Variants in LHX9 observed in about 807,000 individuals in gnomAD.
The protein encoded by LHX9 is LIM homeobox 9.
Under a neutral mutation model 36.5 loss-of-function variants are expected in LHX9, and 9 were observed. The ratio of observed to expected loss-of-function variants is 0.25; its 90% CI spans 0.15 to 0.43. The LOEUF (loss-of-function observed/expected upper bound fraction) is 0.43. Ranked by LOEUF, LHX9 falls within the 20% of genes least tolerant of loss-of-function variation. The pLI, the probability that LHX9 is intolerant of heterozygous loss-of-function variation, is 1.00. For synonymous variants in LHX9, 211 were observed against 212.1 expected, an observed-to-expected ratio of 0.99 and a Z score of 0.04; for missense variants, 464 against 526.4, an observed-to-expected ratio of 0.88 and a Z score of 1.16.
chr1:197,928,252 G>A (rs951315950), intron 4 of LHX9, among the ~76,000 whole-genome samples: 3 of 152,182 alleles, frequency 2.0e-5, no homozygotes, highest in Non-Finnish European at 4.4e-5. Context: ...CAAAAGTATG[G>A]TTAGTGTTTC....
chr1:197,917,959 C>G lies in LHX9; in HGVS notation c.136C>G (p.Arg46Gly), dbSNP rs1170244333. Residue 46 changes from arginine to glycine, a missense_variant, in exon 1 of 5, where the codon CGT becomes GGT. This residue lies in a region of LHX9 where 119 missense variants were observed against 102.4 expected (regional missense o/e 1.16). Coordinates refer to ENST00000367387, the MANE Select transcript of LHX9 (RefSeq NM_020204.3). ...EMERRSKTEA[R>G]LAKGAQLNGR... is the part of the protein sequence containing the mutation. ...GGAGCGCAGATCCAAGACTGAGGCC[C>G]GTCTGGCCAAAGGCGCCCAGCTCAA... 1 of 1,614,102 alleles carries G rather than the reference C, an allele frequency of 6.2e-7. No individual in the cohort carries two copies. Among genetic ancestry groups the G allele is most frequent in the South Asian group, 1.1e-5 (1 of 91,068 alleles).
rs2102607209 is a variant in LHX9 at position 197,934,251 on chromosome 1, A to T, written c.*4992A>T. ...TTATAATAACCCTTTTTTGGGAGTC[A>T]AAGTATTGTTTTTTTATTAGCCACA... On this transcript the variant is annotated 3_prime_UTR_variant, in exon 5 of 5. Transcript: ENST00000367387. 7.7e-6 allele frequency: 1 copy of T among 130,544 alleles called. No individual in the cohort carries two copies. The highest frequency in any genetic ancestry group is 2.4e-5 in the African/African-American group (1 of 40,988). 8.1% of individuals were successfully genotyped at this position (130,544 alleles called of 1,614,324 possible). A position where few individuals can be genotyped will look rare whatever the true frequency, so the allele number is the denominator to read the frequency against.
chr1:197,917,996 C>T lies in LHX9; in HGVS notation c.173C>T (p.Ala58Val). 2 of 1,612,558 alleles carry T rather than the reference C, an allele frequency of 1.2e-6. No homozygotes were observed. The highest frequency in any genetic ancestry group is 2.2e-5 in the East Asian group (1 of 44,860). ...GGCGCCCAGCTCAACGGCCGCGACG[C>T]GGTAAGGAAGGGCTCCGCCGCGGCG... Reference protein sequence around the residue: ...AKGAQLNGRDAGMPPLSPEKP... With the variant: ...AKGAQLNGRDVGMPPLSPEKP... The change falls in exon 1 of 5, where the codon GCG (alanine) becomes GTG (valine). Residue 58 changes from alanine (A) to valine (V), a missense_variant and splice_region_variant. By Grantham distance (64) the Ala-to-Val change is moderately conservative. This residue lies in a region of LHX9 where 119 missense variants were observed against 102.4 expected (regional missense o/e 1.16). Coordinates refer to ENST00000367387, the MANE Select transcript of LHX9 (RefSeq NM_020204.3).
chr1:197,912,884 C>T (rs1659656865), upstream of LHX9: 1 of 392,524 alleles, frequency 2.5e-6, no homozygotes, highest in African/African-American at 2.1e-5. Context: ...GCGCTCCTGA[C>T]CCTCCGGGGA....
chr1:197,932,349 A>G lies in LHX9; in HGVS notation c.*3090A>G, dbSNP rs1230674812. On this transcript the variant is annotated 3_prime_UTR_variant, in exon 5 of 5. Coordinates refer to ENST00000367387, the MANE Select transcript of LHX9 (RefSeq NM_020204.3). ...TTTCACCTGCTTGCTAATGTGTATTAGTCCTGTTAATGGCATTTTCCAACT... is the reference window on the plus strand; with the variant it reads ...TTTCACCTGCTTGCTAATGTGTATTGGTCCTGTTAATGGCATTTTCCAACT... 1.2e-5 allele frequency: 2 copies of G among 168,126 alleles called. No homozygotes were observed. The highest frequency in any genetic ancestry group is 2.6e-5 in the Non-Finnish European group (2 of 78,376). 10.4% of individuals were successfully genotyped at this position (168,126 alleles called of 1,614,324 possible).
chr1:197,921,614 C>A lies in LHX9; in HGVS notation c.688C>A (p.Arg230=), dbSNP rs750699252. Residue 230 remains arginine (R), a synonymous_variant, in exon 3 of 5, where the codon CGG becomes AGG. Transcript: ENST00000367387. The surrounding 1 kb of genome is among the most constrained non-coding windows in gnomAD (Gnocchi z 4.6). The part of the protein sequence containing the change: ...GTVQKGRPRK[R]KSPALGVDIV... The stretch of plus-strand genomic sequence containing the variant: ...CGTGCAGAAAGGGCGGCCCCGGAAG[C>A]GGAAGAGCCCAGCGCTGGGAGTGGA... 1.2e-6 allele frequency: 2 copies of A among 1,603,556 alleles called. No individual in the cohort carries two copies. The highest frequency in any genetic ancestry group is 2.7e-5 in the African/African-American group (2 of 74,876).
At chr1:197,913,064 C>G (rs1266536778), upstream of LHX9, 1 of 157,742 alleles carries the variant, frequency 6.3e-6, no homozygotes, top group Non-Finnish European at 1.4e-5. Context: ...GGACGCAGTG[C>G]GGGACTTCTC....
At chr1:197,923,089 G>A (rs1660038013) in intron 3 of LHX9, among the ~76,000 whole-genome samples, 2 of 152,250 alleles carry the variant, frequency 1.3e-5, no homozygotes, top group Non-Finnish European at 2.9e-5. Context: ...TAACTGAAGA[G>A]GAGAATCCTT....
At chr1:197,923,034 C>A (rs557058156) in intron 3 of LHX9, among the ~76,000 whole-genome samples, 1 of 152,350 alleles carries the variant, frequency 6.6e-6, no homozygotes, top group Admixed American at 6.5e-5. Context: ...GCCGCTCTCT[C>A]AGACCTCCGT....
rs755384384 is a variant in LHX9 at position 197,921,477 on chromosome 1, G to A, written c.551G>A (p.Arg184His). 1.9e-6 allele frequency: 3 copies of A among 1,614,166 alleles called. No individual in the cohort carries two copies. Among genetic ancestry groups the A allele is most frequent in the Non-Finnish European group, 2.5e-6 (3 of 1,180,042 alleles). ...FGMKDSLVYCRAHFETLLQGE... is the reference protein window; with the variant it reads ...FGMKDSLVYCHAHFETLLQGE... ...ATGAAGGACAGCCTGGTGTACTGCCGCGCCCACTTCGAGACCCTCTTGCAA... is the reference window on the plus strand; with the variant it reads ...ATGAAGGACAGCCTGGTGTACTGCCACGCCCACTTCGAGACCCTCTTGCAA... The change falls in exon 3 of 5, where the codon CGC becomes CAC. Residue 184 changes from arginine to histidine, a missense_variant. Arg to His is a conservative substitution (Grantham distance 29). Transcript: ENST00000367387. This position sits in a 1 kb window ranked among gnomAD's most constrained non-coding sequence, Gnocchi z 4.6.
In LHX9 at chr1:197,932,118, A is replaced by C. The variant is rs1467124806; in HGVS notation, c.*2859A>C. ...AGAGAGACTTAAATGTCATTTACTG[A>C]ATGTTAACGAAACTTGTGTTCTTTA... On this transcript the variant is annotated 3_prime_UTR_variant, in exon 5 of 5. Coordinates refer to ENST00000367387, the MANE Select transcript of LHX9 (RefSeq NM_020204.3). The C allele has an allele frequency of 5.1e-6, 3 of 591,938 alleles. No individual in the cohort carries two copies. Among genetic ancestry groups the C allele is most frequent in the African/African-American group, 1.9e-5 (1 of 53,904 alleles). 36.7% of individuals were successfully genotyped at this position (591,938 alleles called of 1,614,324 possible). A position where few individuals can be genotyped will look rare whatever the true frequency, so the allele number is the denominator to read the frequency against.
chr1:197,923,573 T>C (rs1182158767), intron 3 of LHX9, among the ~76,000 whole-genome samples: 2 of 151,644 alleles, frequency 1.3e-5, no homozygotes, highest in Non-Finnish European at 2.9e-5. Flanking sequence ...AAAGAAAGGA[T>C]CTCTCAGCCC....
At chr1:197,915,814 G>GCCTT (rs936694568), upstream of LHX9, 12 of 152,252 alleles carry the variant, frequency 7.9e-5, no homozygotes, top group African/African-American at 2.7e-4. Context: ...CTTTATTTCT[G>GCCTT]CCTTCCTTCC....
intron 3 of LHX9, 91 bp from the exon 4 acceptor site, chr1:197,927,500 A>G (rs1557976651): frequency 2.8e-6 from 3 of 1,060,122 alleles, no homozygotes; most frequent in Non-Finnish European, 4.4e-6. Context: ...CTGCTGCTTT[A>G]TTACCATAGC....
upstream of LHX9, chr1:197,912,803 G>A (rs1158630000): frequency 8.9e-6 from 5 of 559,374 alleles, no homozygotes; most frequent in Admixed American, 1.3e-4. Flanking sequence ...CTTTCCTCAG[G>A]ATCAGTGTCC....
chr1:197,919,860 G>A, intron 1 of LHX9, 112 bp from the exon 2 acceptor site: 1 of 1,015,716 alleles, frequency 9.8e-7, no homozygotes, highest in Non-Finnish European at 1.5e-6. Flanking sequence ...GTGGACCCTG[G>A]CCCCTGCCGC....
Position 197,929,650 on chromosome 1 carries a change from G to A in LHX9, c.*391G>A. ...AATCATATTCCCACTTAAATGATTA[G>A]GTTAATAAAGAACCAGATAATTAAT... On this transcript the variant is annotated 3_prime_UTR_variant, in exon 5 of 5. Coordinates refer to ENST00000367387, the MANE Select transcript of LHX9 (RefSeq NM_020204.3). 1.1e-6 allele frequency: 1 copy of A among 908,592 alleles called. No homozygotes were observed. The allele number at this position is 908,592 out of a possible 1,614,324, so 56.3% of individuals were successfully genotyped here. A position where few individuals can be genotyped will look rare whatever the true frequency, so the allele number is the denominator to read the frequency against.
chr1:197,929,835 A>G lies in LHX9; in HGVS notation c.*576A>G. On this transcript the variant is annotated 3_prime_UTR_variant, in exon 5 of 5. Transcript: ENST00000367387. ...ATATGATGAAATAAAAGCATTAACT[A>G]CAGACATTTTAAATAGTAATGATTA... 1.1e-6 allele frequency: 1 copy of G among 947,338 alleles called. No homozygotes were observed. Among genetic ancestry groups the G allele is most frequent in the Non-Finnish European group, 1.3e-6 (1 of 795,152 alleles). The allele number at this position is 947,338 out of a possible 1,614,324, so 58.7% of individuals were successfully genotyped here. A position where few individuals can be genotyped will look rare whatever the true frequency, so the allele number is the denominator to read the frequency against.
intron 3 of LHX9, among the ~76,000 whole-genome samples, chr1:197,923,916 G>C (rs1660072122): frequency 6.6e-6 from 1 of 152,130 alleles, no homozygotes; most frequent in Non-Finnish European, 1.5e-5. Flanking sequence ...TTAGCCCGAA[G>C]AGTTTGTACC....
Sources: allele counts gnomAD v4.1 joint callset (sites outside exome capture counted in the v4.1 genomes callset), GRCh38; gene constraint gnomAD v4.1.1; regional missense constraint gnomAD v4.1.1; non-coding constraint Gnocchi (gnomAD v3.1); transcripts MANE v1.5; gene names NCBI Gene and HGNC (gene_info 2026-07-23, HGNC 2026-07-21).